The following CCSER1 variants were observed in gnomAD, a reference collection of about 807,000 sequenced individuals.
The protein encoded by CCSER1 is serine-rich coiled-coil domain-containing protein 1.
CCSER1 carries 41 observed loss-of-function variants against 82.0 expected under a neutral mutation model. The observed-to-expected ratio is 0.50, with a 90% CI of 0.39 to 0.65. The LOEUF (loss-of-function observed/expected upper bound fraction) is 0.65, where lower values mean the gene tolerates loss of function less well. CCSER1 is among the 30% of genes least tolerant of loss of function. The pLI is 0.00. For synonymous variants in CCSER1, 414 were observed against 383.9 expected (o/e 1.08, Z -0.92); for missense variants, 1,119 against 1,064.2 (o/e 1.05, Z -0.72).
intron 5 of CCSER1, among the ~76,000 whole-genome samples, chr4:90,610,031 T>G (rs1785241095): frequency 1.3e-5 from 2 of 152,058 alleles, no homozygotes; most frequent in South Asian, 4.1e-4. Flanking sequence ...GGCCGGTGGA[T>G]CACGAGGTCA....
At chr4:90,791,678 A>G (rs145880643) in intron 7 of CCSER1, among the ~76,000 whole-genome samples, 8,783 of 151,990 alleles carry the variant, frequency 0.058, 425 homozygotes, top group East Asian at 0.24. Flanking sequence ...GTGAAACCCC[A>G]TCTCTACTAA....
rs568501026 is a variant in CCSER1 at position 90,898,093 on chromosome 4, G to A, written c.2095-25277G>A. 7.3e-5 allele frequency among the ~76,000 whole-genome samples: 11 copies of A among 151,560 alleles called. No homozygotes were observed. The South Asian group carries it at 1.7e-3, about 23-fold the overall frequency. ...TACTCTGTTTATAGTTTCTTTTGCT[G>A]TGCATAGCTCTTTAGTTTAAGTAAG... On this transcript the variant is annotated intron_variant, in intron 8 of 10. Transcript: ENST00000509176.
At chr4:90,410,335 T>C (rs1754516319) in intron 4 of CCSER1, among the ~76,000 whole-genome samples, 1 of 152,196 alleles carries the variant, frequency 6.6e-6, no homozygotes, top group Non-Finnish European at 1.5e-5. Context: ...TACATTCTTT[T>C]CAGCACCACA....
chr4:90,223,518 A>G (rs573843121), intron 1 of CCSER1, among the ~76,000 whole-genome samples: 3 of 152,306 alleles, frequency 2.0e-5, no homozygotes, highest in Non-Finnish European at 4.4e-5. Context: ...AACATGGATG[A>G]TTCATGTGGA....
At chr4:91,527,111 T>C (rs1048112944) in intron 10 of CCSER1, among the ~76,000 whole-genome samples, 5 of 152,174 alleles carry the variant, frequency 3.3e-5, no homozygotes, top group Non-Finnish European at 5.9e-5. Flanking sequence ...TGAGCTAATC[T>C]TTATGAGTAG....
intron 5 of CCSER1, among the ~76,000 whole-genome samples, chr4:90,623,409 A>G (rs1464607265): frequency 1.3e-5 from 2 of 152,088 alleles, no homozygotes; most frequent in Non-Finnish European, 2.9e-5. Flanking sequence ...AACTTGGCAC[A>G]TTTCAGCGCC....
intron 9 of CCSER1, among the ~76,000 whole-genome samples, chr4:90,941,702 G>A (rs1731603244): frequency 6.6e-6 from 1 of 152,074 alleles, no homozygotes; most frequent in East Asian, 1.9e-4. Context: ...TCTCTGTCTT[G>A]TTGGTGATTT....
chr4:90,214,830 C>T (rs1367308640), intron 1 of CCSER1, among the ~76,000 whole-genome samples: 1 of 152,154 alleles, frequency 6.6e-6, no homozygotes, highest in Non-Finnish European at 1.5e-5. Flanking sequence ...AATCACATTA[C>T]CTTTTACAAA....
At chr4:90,334,827 CT>C (rs752210346) in intron 3 of CCSER1, among the ~76,000 whole-genome samples, 1 of 152,192 alleles carries the variant, frequency 6.6e-6, no homozygotes. Flanking sequence ...AATATTTTGA[CT>C]TCAATTATAA....
At chr4:90,428,195 CT>C (rs568322984) in intron 4 of CCSER1, among the ~76,000 whole-genome samples, 397 of 151,896 alleles carry the variant, frequency 2.6e-3, no homozygotes, top group Non-Finnish European at 4.9e-3. Flanking sequence ...TGAATCTGTC[CT>C]TTTTATTTTC....
At chr4:90,961,449 C>CT (rs1554050746) in intron 9 of CCSER1, among the ~76,000 whole-genome samples, 1 of 152,036 alleles carries the variant, frequency 6.6e-6, no homozygotes, top group African/African-American at 2.4e-5. Flanking sequence ...AGGTACATGT[C>CT]TATACCTATA....
At chr4:90,479,031 G>C (rs905053488) in intron 5 of CCSER1, among the ~76,000 whole-genome samples, 1 of 151,896 alleles carries the variant, frequency 6.6e-6, no homozygotes, top group Admixed American at 6.6e-5. Flanking sequence ...GAGCCCCCAC[G>C]CGGGCCTGTA....
chr4:91,109,325 G>A lies in CCSER1; in HGVS notation c.2217+23331G>A, dbSNP rs548417913. Reference sequence around the variant, plus strand: ...ATTGATTGATGTATCAATCTATCATGTATCTACCTACCTACCTTTCTACCT... The same window carrying A: ...ATTGATTGATGTATCAATCTATCATATATCTACCTACCTACCTTTCTACCT... On this transcript the variant is annotated intron_variant, in intron 10 of 10. Coordinates refer to ENST00000509176, the MANE Select transcript of CCSER1 (RefSeq NM_001145065.2). Among the ~76,000 whole-genome samples, 20 of 152,128 alleles carry A rather than the reference G, an allele frequency of 1.3e-4. 1 individual carries two copies. Among genetic ancestry groups the A allele is most frequent in the Admixed American group, 1.2e-3 (18 of 15,268 alleles).
chr4:90,948,714 G>A (rs187408334), intron 9 of CCSER1, among the ~76,000 whole-genome samples: 17 of 152,010 alleles, frequency 1.1e-4, no homozygotes, highest in Non-Finnish European at 1.9e-4. Flanking sequence ...GTAAAAAATA[G>A]AATTAGGTAA....
intron 4 of CCSER1, among the ~76,000 whole-genome samples, chr4:90,433,274 G>A (rs950897699): frequency 3.0e-4 from 46 of 151,846 alleles, no homozygotes; most frequent in African/African-American, 8.5e-4. Flanking sequence ...CTAAGTGTTC[G>A]GGCCACCCTT....
At chr4:90,172,570 T>C (rs1393296647) in intron 1 of CCSER1, among the ~76,000 whole-genome samples, 1 of 151,884 alleles carries the variant, frequency 6.6e-6, no homozygotes, top group Non-Finnish European at 1.5e-5. Flanking sequence ...AAGTATAGTA[T>C]AATTAATTTC....
At chr4:90,782,148 A>G (rs559744918) in intron 7 of CCSER1, 1 of 215,610 alleles carries the variant, frequency 4.6e-6, no homozygotes, top group Admixed American at 6.5e-5. Flanking sequence ...GTCGGCCTTC[A>G]CTGAATAGTT....
chr4:90,911,833 T>A (rs753390443), intron 8 of CCSER1, among the ~76,000 whole-genome samples: 6 of 152,198 alleles, frequency 3.9e-5, no homozygotes, highest in Non-Finnish European at 8.8e-5. Flanking sequence ...GGAGATTATA[T>A]TCCACGCCTG....
intron 6 of CCSER1, among the ~76,000 whole-genome samples, chr4:90,698,997 A>G (rs557161514): frequency 3.9e-5 from 6 of 152,248 alleles, no homozygotes; most frequent in African/African-American, 1.4e-4. Context: ...GCTACTCAGG[A>G]GACTGAGGTG....
Sources: allele counts gnomAD v4.1 joint callset (sites outside exome capture counted in the v4.1 genomes callset), GRCh38; gene constraint gnomAD v4.1.1; transcripts MANE v1.5; gene names NCBI Gene and HGNC (gene_info 2026-07-23, HGNC 2026-07-21).